RPGR: variants seen among roughly 807,000 people sequenced by gnomAD.
RPGR encodes the protein X-linked retinitis pigmentosa GTPase regulator.
In RPGR, 10 loss-of-function variants were observed where a neutral mutation model predicts 56.3. That is an observed-to-expected ratio of 0.18 (90% confidence interval 0.11 to 0.30). The LOEUF (loss-of-function observed/expected upper bound fraction) is 0.30. RPGR is among the 10% of genes least tolerant of loss of function. The probability of loss-of-function intolerance (pLI) is 1.00; values close to 1 mark genes in which losing one functional copy is unlikely to be tolerated. For synonymous variants in RPGR, 197 were observed against 212.9 expected, an observed-to-expected ratio of 0.93 and a Z score of 0.65; for missense variants, 538 against 590.9, an observed-to-expected ratio of 0.91 and a Z score of 0.93.
intron 6 of RPGR, among the ~76,000 whole-genome samples, chrX:38,311,261 G>GCC (rs2067712395): frequency 8.9e-6 from 1 of 112,132 alleles, no homozygotes; most frequent in Non-Finnish European, 1.9e-5. Flanking sequence ...CATTTAGATG[G>GCC]CACTTCCTCC....
chrX:38,269,830 A>C lies in RPGR; in HGVS notation c.2244T>G (p.Ile748Met). The change falls in exon 19 of 19, where the codon ATT (isoleucine) becomes ATG (methionine). Residue 748 changes from isoleucine to methionine, a missense_variant and splice_region_variant. Ile to Met is a conservative substitution (Grantham distance 10). Transcript: ENST00000642395. ...TTGAGGGGACTCTTTTGAACAGAAAAATCTAGGAAAAAAACCACACACACA... is the reference window on the plus strand; with the variant it reads ...TTGAGGGGACTCTTTTGAACAGAAACATCTAGGAAAAAAACCACACACACA... The C allele has an allele frequency of 8.5e-7, 1 of 1,178,916 alleles. No homozygotes were observed. Among genetic ancestry groups the C allele is most frequent in the Non-Finnish European group, 1.2e-6 (1 of 868,185 alleles).
intron 15 of RPGR, chrX:38,285,559 T>C: frequency 8.3e-7 from 1 of 1,211,775 alleles, no homozygotes. Context: ...TTCCAAGTAA[T>C]GTGGTAATAC....
intron 1 of RPGR, among the ~76,000 whole-genome samples, chrX:38,326,469 T>C (rs892115133): frequency 5.4e-5 from 6 of 111,828 alleles, no homozygotes; most frequent in Non-Finnish European, 9.4e-5. Flanking sequence ...GTGTGGAATC[T>C]AAGTGGATAG....
At chrX:38,305,673 G>C (rs1040208829) in intron 7 of RPGR, among the ~76,000 whole-genome samples, 1 of 108,299 alleles carries the variant, frequency 9.2e-6, no homozygotes, top group African/African-American at 3.4e-5. Context: ...TTGAACCCAG[G>C]AGGTGGAGGT....
chrX:38,276,769 G>C lies in RPGR; in HGVS notation c.1909C>G (p.His637Asp), dbSNP rs1386160264. ...AGTTCCTCAGTTTTAGAAAATTCAT[G>C]ATCCTGTGACAAAATTGACCATCAG... is the stretch of plus-strand genomic sequence containing the variant. The change falls in exon 16 of 19, where the codon CAT (histidine) becomes GAT (aspartate). Residue 637 changes from histidine to aspartate, a missense_variant. His to Asp is a moderately conservative substitution (Grantham distance 81, BLOSUM62 -1). Coordinates refer to ENST00000642395, the MANE Select transcript of RPGR (RefSeq NM_000328.3). 3 of 1,202,772 alleles carry C rather than the reference G, an allele frequency of 2.5e-6. No homozygotes were observed. The highest frequency in any genetic ancestry group is 4.4e-5 in the Admixed American group (2 of 45,933).
chrX:38,326,350 G>A (rs2068045841), intron 1 of RPGR, among the ~76,000 whole-genome samples: 1 of 112,020 alleles, frequency 8.9e-6, no homozygotes, highest in Non-Finnish European at 1.9e-5. Flanking sequence ...GTATGATTCT[G>A]CTCAAACCCA....
chrX:38,310,567 T>G (rs1471315994), intron 7 of RPGR, 48 bp downstream of exon 7: 1 of 1,184,718 alleles, frequency 8.4e-7, no homozygotes, highest in Admixed American at 2.2e-5. Flanking sequence ...AAAAATTTCA[T>G]TAGCCACCAC....
chrX:38,299,773 C>T (rs2067467734), intron 9 of RPGR, among the ~76,000 whole-genome samples: 1 of 109,483 alleles, frequency 9.1e-6, no homozygotes, highest in African/African-American at 3.3e-5. Flanking sequence ...ATTTTCCGTA[C>T]ATAGGTTCTA....
At chrX:38,289,598 A>G (rs2067248987) in intron 13 of RPGR, among the ~76,000 whole-genome samples, 1 of 112,402 alleles carries the variant, frequency 8.9e-6, no homozygotes, top group East Asian at 2.8e-4. Flanking sequence ...AGAGGTTCCT[A>G]TTGTGCCAAA....
At chrX:38,320,158 T>C (rs1202331324) in intron 4 of RPGR, among the ~76,000 whole-genome samples, 3 of 103,244 alleles carry the variant, frequency 2.9e-5, no homozygotes, top group African/African-American at 1.1e-4. Flanking sequence ...CAAGAAATAA[T>C]CTTAAAAGGC....
At chrX:38,277,469 TTTC>T (rs1450652633) in intron 15 of RPGR, among the ~76,000 whole-genome samples, 2 of 110,200 alleles carry the variant, frequency 1.8e-5, no homozygotes, top group East Asian at 2.8e-4. Context: ...TACACTGAGA[TTTC>T]TTTTTTTTTT....
In RPGR at chrX:38,318,988, C is replaced by T. The variant is rs1156891581; in HGVS notation, c.311-1G>A. Reference sequence around the variant, plus strand: ...CCAGTTGCATATACATTGCCTCCTTCTGCACATGGAAAAGAAAACGTCAAT... The same window carrying T: ...CCAGTTGCATATACATTGCCTCCTTTTGCACATGGAAAAGAAAACGTCAAT... On this transcript the variant is annotated splice_acceptor_variant, in intron 4 of 18. Coordinates refer to ENST00000642395, the MANE Select transcript of RPGR (RefSeq NM_000328.3). LOFTEE classifies it high-confidence loss of function. The T allele has an allele frequency of 3.3e-6, 4 of 1,210,212 alleles. No homozygotes were observed. Among genetic ancestry groups the T allele is most frequent in the Non-Finnish European group, 4.5e-6 (4 of 895,064 alleles).
Position 38,323,507 on chromosome X carries a change from T to C in RPGR, c.46A>G (p.Thr16Ala), listed in dbSNP as rs780978686. ...TCAGCAAATTTACTTTTCCCAAATG[T>C]AAACACAGCACCCGAATCTGCAAAT... Residue 16 changes from threonine (T) to alanine (A), a missense_variant, in exon 2 of 19, where the codon ACA (threonine) becomes GCA (alanine). Physicochemically the swap from Thr to Ala is moderately conservative, Grantham distance 58. Transcript: ENST00000642395. 1.8e-5 allele frequency: 22 copies of C among 1,209,600 alleles called. No homozygotes were observed. In the South Asian group the frequency reaches 3.3e-4, roughly 18 times the overall value.
At chrX:38,277,107 T>C (rs917531368) in intron 15 of RPGR, among the ~76,000 whole-genome samples, 2 of 112,199 alleles carry the variant, frequency 1.8e-5, no homozygotes, top group Non-Finnish European at 3.8e-5. Flanking sequence ...TAAAAAGCGT[T>C]CTGTCTACTG....
chrX:38,308,278 C>T (rs960629406), intron 7 of RPGR: 14 of 111,674 alleles, frequency 1.3e-4, no homozygotes, highest in Admixed American at 9.6e-5. Context: ...GTGTGAGATC[C>T]GTAAGCTTGC....
Position 38,317,240 on chromosome X carries a change from A to G in RPGR, c.619+76T>C, listed in dbSNP as rs960492413. 5.6e-5 allele frequency: 56 copies of G among 1,002,335 alleles called. No homozygotes were observed. The African/African-American group carries it at 1.0e-3, about 18-fold the overall frequency. 82.6% of individuals were successfully genotyped at this position (1,002,335 alleles called of 1,213,427 possible). ...TGGCATTATTTCTATAGAACCAGAG[A>G]CTATATCATTTCATTATTAATTTAA... On this transcript the variant is annotated intron_variant, in intron 6 of 18. Coordinates refer to ENST00000642395, the MANE Select transcript of RPGR (RefSeq NM_000328.3).
intron 11 of RPGR, among the ~76,000 whole-genome samples, chrX:38,296,415 T>A (rs2067386900): frequency 9.0e-6 from 1 of 111,694 alleles, no homozygotes; most frequent in Non-Finnish European, 1.9e-5. Context: ...TAAGAGAGAA[T>A]ATTCCCTCTC....
intron 18 of RPGR, among the ~76,000 whole-genome samples, chrX:38,271,222 CA>C (rs1442532677): frequency 9.0e-6 from 1 of 111,328 alleles, no homozygotes; most frequent in Non-Finnish European, 1.9e-5. Context: ...AGTGATAATC[CA>C]AAAAGTAAGA....
At chrX:38,281,660 T>A (rs2067034048) in intron 15 of RPGR, among the ~76,000 whole-genome samples, 2 of 111,775 alleles carry the variant, frequency 1.8e-5, no homozygotes, top group African/African-American at 6.5e-5. Context: ...GCTGAGTGCC[T>A]ATAACATGTT....
Sources: gnomAD v4.1 joint callset for allele counts (sites outside exome capture counted in the v4.1 genomes callset) on GRCh38, gnomAD v4.1.1 for gene constraint, MANE v1.5 for transcripts, NCBI Gene and HGNC (gene_info 2026-07-23, HGNC 2026-07-21) for gene names.